FOXO1: variants seen among roughly 807,000 people sequenced by gnomAD.
FOXO1 encodes the protein forkhead box protein O1.
FOXO1 carries 6 observed loss-of-function variants against 44.1 expected under a neutral mutation model. The ratio of observed to expected loss-of-function variants is 0.14; its 90% CI spans 0.07 to 0.27. The LOEUF is 0.27. Among genes scored for constraint, FOXO1 ranks in the 10% least tolerant of loss-of-function variants. The pLI, the probability that FOXO1 is intolerant of heterozygous loss-of-function variation, is 1.00. For synonymous variants in FOXO1, 380 were observed against 362.7 expected, an observed-to-expected ratio of 1.05 and a Z score of -0.54; for missense variants, 737 against 888.8, an observed-to-expected ratio of 0.83 and a Z score of 2.17.
intron 1 of FOXO1, among the ~76,000 whole-genome samples, chr13:40,625,249 C>T (rs549092599): frequency 9.2e-5 from 14 of 152,262 alleles, no homozygotes; most frequent in African/African-American, 3.4e-4. Context: ...TTTATTGTGA[C>T]CTAGAATATG....
intron 1 of FOXO1, among the ~76,000 whole-genome samples, chr13:40,615,401 G>A (rs1876385504): frequency 6.6e-6 from 1 of 152,042 alleles, no homozygotes; most frequent in Non-Finnish European, 1.5e-5. Flanking sequence ...CGGGCATGGG[G>A]GTGCGCGCCT....
chr13:40,607,771 T>C (rs531456403), intron 1 of FOXO1, among the ~76,000 whole-genome samples: 1 of 152,378 alleles, frequency 6.6e-6, no homozygotes, highest in South Asian at 2.1e-4. Flanking sequence ...AAACCTGTTA[T>C]CTACAGATAA....
At chr13:40,644,468 A>G (rs989149684) in intron 1 of FOXO1, among the ~76,000 whole-genome samples, 1 of 152,192 alleles carries the variant, frequency 6.6e-6, no homozygotes, top group Admixed American at 6.5e-5. Context: ...GACCGATTAG[A>G]AGCCAGAGAT....
chr13:40,562,028 C>T (rs1874046168), intron 1 of FOXO1, among the ~76,000 whole-genome samples: 1 of 151,554 alleles, frequency 6.6e-6, no homozygotes, highest in Non-Finnish European at 1.5e-5. Context: ...TGGATTCATT[C>T]ACACCTTTAA....
intron 1 of FOXO1, among the ~76,000 whole-genome samples, chr13:40,581,036 G>A (rs771014998): frequency 6.6e-6 from 1 of 152,212 alleles, no homozygotes; most frequent in Non-Finnish European, 1.5e-5. Context: ...CCAAGAGACG[G>A]AGTTGAGATA....
At chr13:40,561,954 A>AG (rs527313231) in intron 1 of FOXO1, among the ~76,000 whole-genome samples, 3 of 151,680 alleles carry the variant, frequency 2.0e-5, no homozygotes, top group African/African-American at 7.3e-5. Context: ...AAAAAAAAAA[A>AG]AAAAAAAAGA....
intron 1 of FOXO1, among the ~76,000 whole-genome samples, chr13:40,628,356 T>TACACACACACACACACACACACACAC (rs34314244): frequency 1.4e-5 from 2 of 145,206 alleles, no homozygotes; most frequent in African/African-American, 5.1e-5. Context: ...AAGAGCTGTT[T>TACACACACACACACACACACACACAC]ACACACACAC....
At chr13:40,582,301 T>C (rs1161830892) in intron 1 of FOXO1, among the ~76,000 whole-genome samples, 2 of 152,232 alleles carry the variant, frequency 1.3e-5, no homozygotes, top group Non-Finnish European at 2.9e-5. Flanking sequence ...TTCAACGAGT[T>C]GTGATCGGTT....
At chr13:40,662,139 C>A in intron 1 of FOXO1, among the ~76,000 whole-genome samples, 1 of 139,570 alleles carries the variant, frequency 7.2e-6, no homozygotes, top group Non-Finnish European at 1.5e-5. Flanking sequence ...CCACTGCACT[C>A]CAGCCTGGGC....
chr13:40,646,073 A>G (rs1027816407), intron 1 of FOXO1, among the ~76,000 whole-genome samples: 1 of 151,946 alleles, frequency 6.6e-6, no homozygotes, highest in Non-Finnish European at 1.5e-5. Context: ...GTCTCAAAAA[A>G]AAAAAAAAAA....
chr13:40,629,799 A>C (rs1373260386), intron 1 of FOXO1, among the ~76,000 whole-genome samples: 1 of 152,208 alleles, frequency 6.6e-6, no homozygotes, highest in Non-Finnish European at 1.5e-5. Context: ...GCTTCGGCTA[A>C]AACCTGGGAG....
At position 40,559,837 on chromosome 13, in the gene FOXO1, T is replaced by C. The variant is rs893465781; in HGVS notation, c.1654A>G (p.Met552Val). The C allele has an allele frequency of 2.5e-6, 4 of 1,613,952 alleles. No individual in the cohort carries two copies. Among genetic ancestry groups the C allele is most frequent in the African/African-American group, 1.3e-5 (1 of 74,926 alleles). ...TVSTMPHTSG[M>V]NRLTQVKTPV... ...GTCTTCACTTGGGTCAGGCGGTTCATACCCGAGGTGTGGGGCATGGTGCTT... is the reference window on the plus strand; with the variant it reads ...GTCTTCACTTGGGTCAGGCGGTTCACACCCGAGGTGTGGGGCATGGTGCTT... The change falls in exon 2 of 3, where the codon ATG (methionine) becomes GTG (valine). Residue 552 changes from methionine (M) to valine (V), a missense_variant. Physicochemically the swap from Met to Val is conservative, Grantham distance 21. Around this residue, in one of 7 missense-constraint regions of FOXO1, gnomAD observed 283 missense variants for 278.1 expected, o/e 1.02. Transcript: ENST00000379561.
chr13:40,586,497 A>G (rs1304599996), intron 1 of FOXO1, among the ~76,000 whole-genome samples: 1 of 152,228 alleles, frequency 6.6e-6, no homozygotes, highest in African/African-American at 2.4e-5. Flanking sequence ...CCCCTTGTGA[A>G]GCTGTTCAGC....
chr13:40,562,548 T>C (rs999006758), intron 1 of FOXO1: 1 of 152,136 alleles, frequency 6.6e-6, no homozygotes, highest in Non-Finnish European at 1.5e-5. Flanking sequence ...TGCTCAGCGG[T>C]GCCTGGCATG....
intron 1 of FOXO1, chr13:40,621,305 C>A: frequency 1.4e-6 from 1 of 710,994 alleles, no homozygotes; most frequent in Non-Finnish European, 2.2e-6. Context: ...CTTGTCCGAT[C>A]TGTCAGCAGC....
rs376025974 is a variant in FOXO1 at position 40,599,017 on chromosome 13, T to C, written c.631-38157A>G. Among the ~76,000 whole-genome samples, 71 of 152,334 alleles carry C rather than the reference T, an allele frequency of 4.7e-4. 1 individual carries two copies. In the South Asian group the frequency reaches 0.014, roughly 31 times the overall value. On this transcript the variant is annotated intron_variant, in intron 1 of 2. Coordinates refer to ENST00000379561, the MANE Select transcript of FOXO1 (RefSeq NM_002015.4). ...AAACACTTTTAAGATAAAGTTCTTT[T>C]TGATATGTACAATGTTTTGGGGGAA...
chr13:40,581,250 G>A (rs1293940661), intron 1 of FOXO1, among the ~76,000 whole-genome samples: 1 of 152,170 alleles, frequency 6.6e-6, no homozygotes, highest in Non-Finnish European at 1.5e-5. Context: ...AGCACAAACA[G>A]GGCCACAACA....
intron 1 of FOXO1, among the ~76,000 whole-genome samples, chr13:40,586,710 G>C (rs1485858629): frequency 6.6e-6 from 1 of 152,152 alleles, no homozygotes; most frequent in Middle Eastern, 3.2e-3. Flanking sequence ...AACCTCTACA[G>C]GGTGCAATCT....
intron 1 of FOXO1, among the ~76,000 whole-genome samples, chr13:40,663,629 T>C (rs904085643): frequency 2.6e-5 from 4 of 152,236 alleles, no homozygotes; most frequent in Admixed American, 2.6e-4. Flanking sequence ...AAAACAAGAT[T>C]TGGCAGACAA....
Sources: gnomAD v4.1 joint callset for allele counts (sites outside exome capture counted in the v4.1 genomes callset) on GRCh38, gnomAD v4.1.1 for gene constraint, gnomAD v4.1.1 regional missense constraint, MANE v1.5 for transcripts, NCBI Gene and HGNC (gene_info 2026-07-23, HGNC 2026-07-21) for gene names.